The following DGKB variants were observed in gnomAD, a reference collection of about 807,000 sequenced individuals.
The protein encoded by DGKB is 90 kDa diacylglycerol kinase.
A neutral mutation model predicts 114.3 loss-of-function variants in DGKB; 67 were observed. The ratio of observed to expected loss-of-function variants is 0.59; its 90% CI spans 0.48 to 0.72. The LOEUF (loss-of-function observed/expected upper bound fraction) is 0.72. Among genes scored for constraint, DGKB ranks in the 30% least tolerant of loss-of-function variants. The pLI is 0.00. For synonymous variants in DGKB, 398 were observed against 323.1 expected, an observed-to-expected ratio of 1.23 and a Z score of -2.49; for missense variants, 907 against 975.2, an observed-to-expected ratio of 0.93 and a Z score of 0.93.
At chr7:14,898,405 T>C (rs1480302286) in intron 1 of DGKB, among the ~76,000 whole-genome samples, 1 of 152,076 alleles carries the variant, frequency 6.6e-6, no homozygotes. Context: ...TCCTACCAGT[T>C]TGTAACTGTG....
intron 15 of DGKB, among the ~76,000 whole-genome samples, chr7:14,616,462 T>C (rs1806548518): frequency 6.6e-6 from 1 of 151,732 alleles, no homozygotes; most frequent in Non-Finnish European, 1.5e-5. Flanking sequence ...TGTGAAATAA[T>C]ATGTAAAATT....
intron 2 of DGKB, among the ~76,000 whole-genome samples, chr7:14,820,921 T>C (rs1212378557): frequency 6.6e-6 from 1 of 152,178 alleles, no homozygotes. Context: ...CCAAATTTCA[T>C]AGTTATTATC....
At chr7:14,682,988 G>A (rs866632025) in intron 10 of DGKB, 147 bp from the exon 11 acceptor site, 94 of 635,612 alleles carry the variant, frequency 1.5e-4, no homozygotes, top group Middle Eastern at 1.3e-3. Context: ...AGTCCAAGTC[G>A]ACTGTTTTTA....
In DGKB at chr7:14,531,606, C is replaced by T. The variant is rs546476908; in HGVS notation, c.1770+42606G>A. Among the ~76,000 whole-genome samples, 5 of 150,904 alleles carry T rather than the reference C, an allele frequency of 3.3e-5. No homozygotes were observed. The East Asian group carries it at 9.7e-4, about 29-fold the overall frequency. On this transcript the variant is annotated intron_variant, in intron 20 of 25. Transcript: ENST00000402815. ...GTTCATAGATTGGAAAATAAAAATG[C>T]CAAGATAGTAATTGTGAAAAATAAA...
chr7:14,673,399 G>GC (rs1819319516), intron 12 of DGKB, among the ~76,000 whole-genome samples: 1 of 87,958 alleles, frequency 1.1e-5, no homozygotes, highest in African/African-American at 3.9e-5. Flanking sequence ...GCCTGTGTAT[G>GC]CTTTTTTTTT....
intron 22 of DGKB, 144 bp downstream of exon 22, chr7:14,345,157 A>G: frequency 1.8e-6 from 1 of 560,460 alleles, no homozygotes; most frequent in Non-Finnish European, 3.2e-6. Context: ...CAAATGAGTG[A>G]AAGGAATGAC....
intron 23 of DGKB, among the ~76,000 whole-genome samples, chr7:14,330,565 A>G (rs1809548472): frequency 6.6e-6 from 1 of 152,010 alleles, no homozygotes; most frequent in Admixed American, 6.6e-5. Flanking sequence ...ATAGCATTAT[A>G]CTTCTTGTCA....
intron 22 of DGKB, 31 bp from the exon 23 acceptor site, chr7:14,338,741 G>T (rs748379999): frequency 7.7e-7 from 1 of 1,301,668 alleles, no homozygotes; most frequent in Non-Finnish European, 1.0e-6. Flanking sequence ...AACAGAAACG[G>T]AATATTTTAT....
At chr7:14,349,187 C>T (rs540651826) in intron 21 of DGKB, among the ~76,000 whole-genome samples, 28 of 152,126 alleles carry the variant, frequency 1.8e-4, no homozygotes, top group African/African-American at 5.3e-4. Flanking sequence ...GGGCTCAATT[C>T]AAGAGCTATA....
intron 2 of DGKB, among the ~76,000 whole-genome samples, chr7:14,766,331 T>C (rs1458508049): frequency 6.6e-6 from 1 of 151,936 alleles, no homozygotes; most frequent in Non-Finnish European, 1.5e-5. Flanking sequence ...TGTGATGGCA[T>C]GGAGGTGTTA....
chr7:14,691,390 A>G (rs1416985702), intron 9 of DGKB, among the ~76,000 whole-genome samples: 1 of 152,342 alleles, frequency 6.6e-6, no homozygotes, highest in East Asian at 1.9e-4. Flanking sequence ...AAACTGCAGT[A>G]TCTAGATTTT....
intron 13 of DGKB, among the ~76,000 whole-genome samples, chr7:14,670,570 G>A (rs551190297): frequency 1.3e-5 from 2 of 151,970 alleles, no homozygotes; most frequent in African/African-American, 4.8e-5. Context: ...CCCCCAAAAT[G>A]CAGGGATTAC....
chr7:14,557,560 A>C (rs1796053173), intron 20 of DGKB, among the ~76,000 whole-genome samples: 1 of 151,654 alleles, frequency 6.6e-6, no homozygotes, highest in Non-Finnish European at 1.5e-5. Flanking sequence ...TCTTAATTTG[A>C]CTATTGCTTA....
chr7:14,731,574 A>T (rs1337922682), intron 5 of DGKB, among the ~76,000 whole-genome samples: 1 of 152,208 alleles, frequency 6.6e-6, no homozygotes, highest in Admixed American at 6.5e-5. Context: ...ATAGTGACAG[A>T]TATCTGCATA....
intron 23 of DGKB, among the ~76,000 whole-genome samples, chr7:14,334,030 T>TG (rs1276569142): frequency 3.3e-5 from 5 of 152,138 alleles, no homozygotes; most frequent in Admixed American, 6.6e-5. Context: ...TATTAATATT[T>TG]GGGGGAGTTA....
intron 23 of DGKB, among the ~76,000 whole-genome samples, chr7:14,289,798 A>G (rs1801470593): frequency 6.6e-6 from 1 of 151,794 alleles, no homozygotes; most frequent in Non-Finnish European, 1.5e-5. Context: ...CTATGGGGGT[A>G]AATGTGGTTT....
intron 1 of DGKB, among the ~76,000 whole-genome samples, chr7:14,894,330 C>CTAATA (rs1781769149): frequency 6.6e-6 from 1 of 151,144 alleles, no homozygotes; most frequent in Admixed American, 6.6e-5. Context: ...TCATGAGGAT[C>CTAATA]AGCAAAACGC....
chr7:14,772,124 A>C (rs2128473416), intron 2 of DGKB, among the ~76,000 whole-genome samples: 1 of 152,238 alleles, frequency 6.6e-6, no homozygotes, highest in South Asian at 2.1e-4. Flanking sequence ...TTGATGTCTC[A>C]TGCCTCCCTA....
chr7:14,732,621 T>C (rs1831088539), intron 5 of DGKB, among the ~76,000 whole-genome samples: 1 of 152,154 alleles, frequency 6.6e-6, no homozygotes, highest in South Asian at 2.1e-4. Context: ...TTGTAAAATG[T>C]GGAGGCCAAG....
Sources: allele counts gnomAD v4.1 joint callset (sites outside exome capture counted in the v4.1 genomes callset), GRCh38; gene constraint gnomAD v4.1.1; transcripts MANE v1.5; gene names NCBI Gene and HGNC (gene_info 2026-07-23, HGNC 2026-07-21).